RBFOX1: variants seen among roughly 807,000 people sequenced by gnomAD.
RBFOX1 encodes RNA binding protein fox-1 homolog 1.
Under a neutral mutation model 57.7 loss-of-function variants are expected in RBFOX1, and 8 were observed. That is an observed-to-expected ratio of 0.14 (90% CI 0.08 to 0.25). The LOEUF (loss-of-function observed/expected upper bound fraction) is 0.25, where lower values mean the gene tolerates loss of function less well. RBFOX1 is among the 10% of genes least tolerant of loss of function. RBFOX1 has a pLI of 1.00. For synonymous variants in RBFOX1, 326 were observed against 222.4 expected (o/e 1.47, Z -4.15); for missense variants, 611 against 548.5 (o/e 1.11, Z -1.14).
At chr16:6,244,111 T>G (rs2097555602) in intron 1 of RBFOX1, among the ~76,000 whole-genome samples, 1 of 152,174 alleles carries the variant, frequency 6.6e-6, no homozygotes, top group Non-Finnish European at 1.5e-5. Flanking sequence ...TGGAGAAACT[T>G]TGACTTTTTA....
chr16:6,634,242 T>C (rs1048926635), intron 2 of RBFOX1, among the ~76,000 whole-genome samples: 1 of 152,180 alleles, frequency 6.6e-6, no homozygotes. Flanking sequence ...AAAATATTTC[T>C]GTTACTCCTT....
intron 1 of RBFOX1, among the ~76,000 whole-genome samples, chr16:5,344,537 G>A (rs1427870637): frequency 6.6e-6 from 1 of 152,046 alleles, no homozygotes; most frequent in African/African-American, 2.4e-5. Context: ...TGTGATACTT[G>A]CTTTCACTTT....
chr16:6,655,390 AAAAAAAAAAAAAAGAG>A (rs2098641990), intron 3 of RBFOX1, among the ~76,000 whole-genome samples: 1 of 140,706 alleles, frequency 7.1e-6, no homozygotes, highest in Non-Finnish European at 1.5e-5. Context: ...AAAAAAAAAA[AAAAAAAAAAAAAAGAG>A]CTCGCGCTCA....
Position 6,853,540 on chromosome 16 carries a change from T to G in RBFOX1, c.-15-198517T>G, listed in dbSNP as rs373319031. Among the ~76,000 whole-genome samples the G allele has an allele frequency of 3.9e-5, 6 of 152,200 alleles. No homozygotes were observed. The East Asian group carries it at 9.7e-4, about 25-fold the overall frequency. On this transcript the variant is annotated intron_variant, in intron 3 of 15. Coordinates refer to ENST00000550418, the MANE Select transcript of RBFOX1 (RefSeq NM_018723.4). ...GGGACTCTGACAGTGGTAGATGCTT[T>G]CAGAATTTGGGTTATGAGTGATTGA...
At position 7,629,034 on chromosome 16, in the gene RBFOX1, A is replaced by G. The variant is rs114042692; in HGVS notation, c.677-1569A>G. Among the ~76,000 whole-genome samples the G allele has an allele frequency of 1.5e-3, 232 of 152,316 alleles. 1 individual carries two copies. Among genetic ancestry groups the G allele is most frequent in the African/African-American group, 5.6e-3 (231 of 41,574 alleles). On this transcript the variant is annotated intron_variant, in intron 10 of 15. Coordinates refer to ENST00000550418, the MANE Select transcript of RBFOX1 (RefSeq NM_018723.4). ...GAGAAGGTTAGTTAATTTCGAGTTA[A>G]TTTCACTGTTGTGTGAAGGGCTATT... is the stretch of plus-strand genomic sequence containing the variant.
At chr16:7,062,806 A>T (rs1449012706) in intron 4 of RBFOX1, among the ~76,000 whole-genome samples, 1 of 148,198 alleles carries the variant, frequency 6.7e-6, no homozygotes, top group African/African-American at 2.5e-5. Context: ...TAGACCTCAG[A>T]TTCACCCTGA....
intron 3 of RBFOX1, among the ~76,000 whole-genome samples, chr16:7,019,430 G>GTA (rs2094094803): frequency 6.6e-6 from 1 of 152,046 alleles, no homozygotes; most frequent in Admixed American, 6.6e-5. Flanking sequence ...GTGGGAGAGT[G>GTA]CATTCATGCT....
At chr16:5,914,085 C>G (rs983199299) in intron 4 of RBFOX1, among the ~76,000 whole-genome samples, 7 of 152,154 alleles carry the variant, frequency 4.6e-5, no homozygotes, top group Non-Finnish European at 8.8e-5. Context: ...CATGAGATGT[C>G]TTGGGGACTT....
chr16:7,559,005 A>T lies in RBFOX1; in HGVS notation c.271-20772A>T, dbSNP rs559117283. 4.6e-5 allele frequency among the ~76,000 whole-genome samples: 7 copies of T among 152,098 alleles called. No homozygotes were observed. In the South Asian group the frequency reaches 1.2e-3, roughly 27 times the overall value. On this transcript the variant is annotated intron_variant, in intron 5 of 15. Transcript: ENST00000550418. Reference sequence around the variant, plus strand: ...TAAAATTATTTTATAGTTTTATTTTATTTTACCCATCAATGAAGAGTGCCT... The same window carrying T: ...TAAAATTATTTTATAGTTTTATTTTTTTTTACCCATCAATGAAGAGTGCCT...
At chr16:5,561,018 A>G (rs1027956670) in intron 2 of RBFOX1, among the ~76,000 whole-genome samples, 2 of 152,224 alleles carry the variant, frequency 1.3e-5, no homozygotes, top group Non-Finnish European at 2.9e-5. Context: ...CATGCAAAGA[A>G]AAGGAATTTC....
chr16:5,918,789 A>G (rs1343754574), intron 4 of RBFOX1, among the ~76,000 whole-genome samples: 1 of 152,232 alleles, frequency 6.6e-6, no homozygotes, highest in African/African-American at 2.4e-5. Context: ...AGGAGCGACT[A>G]AGGTGCAGTG....
intron 1 of RBFOX1, among the ~76,000 whole-genome samples, chr16:5,345,370 T>A (rs9927922): frequency 0.12 from 18,648 of 152,122 alleles, 2,910 homozygotes; most frequent in African/African-American, 0.37. Context: ...GAAAACAAGG[T>A]AACACAAAGC....
At chr16:6,459,284 C>T (rs1021572016) in intron 2 of RBFOX1, among the ~76,000 whole-genome samples, 3 of 151,938 alleles carry the variant, frequency 2.0e-5, no homozygotes, top group Admixed American at 6.6e-5. Context: ...TGCAGTGAGC[C>T]GAGATGGCGC....
intron 3 of RBFOX1, among the ~76,000 whole-genome samples, chr16:5,679,065 C>G (rs1164334630): frequency 6.6e-6 from 1 of 152,156 alleles, no homozygotes; most frequent in Admixed American, 6.5e-5. Context: ...TTTATGAAAC[C>G]TGCATCTCAA....
At chr16:6,860,793 C>T (rs926535029) in intron 3 of RBFOX1, among the ~76,000 whole-genome samples, 17 of 152,040 alleles carry the variant, frequency 1.1e-4, no homozygotes, top group Non-Finnish European at 8.8e-5. Context: ...TAATTTGCAG[C>T]AGGAGACATA....
intron 2 of RBFOX1, among the ~76,000 whole-genome samples, chr16:6,601,377 G>A (rs1197924488): frequency 6.6e-6 from 1 of 152,132 alleles, no homozygotes; most frequent in African/African-American, 2.4e-5. Context: ...GGAGATGAAG[G>A]TGAGAGTTAC....
At chr16:5,433,696 C>T (rs1224192265) in intron 1 of RBFOX1, among the ~76,000 whole-genome samples, 1 of 152,170 alleles carries the variant, frequency 6.6e-6, no homozygotes, top group Non-Finnish European at 1.5e-5. Context: ...ATGAATGAGT[C>T]ATTTGCTGAA....
At chr16:7,202,583 G>A (rs1193050965) in intron 4 of RBFOX1, among the ~76,000 whole-genome samples, 2 of 152,190 alleles carry the variant, frequency 1.3e-5, no homozygotes, top group African/African-American at 4.8e-5. Context: ...GGATGAGCAA[G>A]CAAAGCTTCT....
chr16:6,603,022 ATTT>A (rs2097874277), intron 2 of RBFOX1, among the ~76,000 whole-genome samples: 1 of 152,174 alleles, frequency 6.6e-6, no homozygotes, highest in Non-Finnish European at 1.5e-5. Context: ...TCCCAATTTT[ATTT>A]ATTTCAGTAA....
Sources: gnomAD v4.1 joint callset for allele counts (sites outside exome capture counted in the v4.1 genomes callset) on GRCh38, gnomAD v4.1.1 for gene constraint, MANE v1.5 for transcripts, NCBI Gene and HGNC (gene_info 2026-07-23, HGNC 2026-07-21) for gene names.